The following TRIM59 variants were observed in gnomAD, a reference collection of about 807,000 sequenced individuals.
TRIM59 encodes the protein tripartite motif containing 59, also known as tripartite motif-containing protein 59.
A neutral mutation model predicts 32.2 loss-of-function variants in TRIM59; 14 were observed. That is an observed-to-expected ratio of 0.43 (90% CI 0.29 to 0.68). TRIM59 has a LOEUF of 0.68. TRIM59 is among the 30% of genes least tolerant of loss of function. TRIM59 has a pLI of 0.15. For missense variants in TRIM59, 471 were observed against 463.3 expected, an observed-to-expected ratio of 1.02 and a Z score of -0.15; for synonymous variants, 163 against 155.1, an observed-to-expected ratio of 1.05 and a Z score of -0.38.
chr3:160,440,611 T>G (rs1226283216), intron 2 of TRIM59, among the ~76,000 whole-genome samples: 1 of 152,152 alleles, frequency 6.6e-6, no homozygotes, highest in African/African-American at 2.4e-5. Flanking sequence ...TAGGCAAAAC[T>G]TAAAAACCCA....
At chr3:160,448,594 G>T in intron 2 of TRIM59, 132 bp downstream of exon 2, 4 of 425,148 alleles carry the variant, frequency 9.4e-6, no homozygotes, top group Non-Finnish European at 1.7e-5. Flanking sequence ...TCGATAAAAT[G>T]GTTGGAGTTT....
At chr3:160,446,768 G>C (rs567748391) in intron 2 of TRIM59, among the ~76,000 whole-genome samples, 1 of 152,194 alleles carries the variant, frequency 6.6e-6, no homozygotes, top group African/African-American at 2.4e-5. Context: ...CCTCCTGCCA[G>C]TGTCAGCATT....
At position 160,436,435 on chromosome 3, in the gene TRIM59, C is replaced by G. The variant is rs1718950988; in HGVS notation, c.*1537G>C. The G allele has an allele frequency of 1.0e-6, 1 of 985,914 alleles. No individual in the cohort carries two copies. Among genetic ancestry groups the G allele is most frequent in the Non-Finnish European group, 1.2e-6 (1 of 829,970 alleles). The allele number at this position is 985,914 out of a possible 1,614,324, so 61.1% of individuals were successfully genotyped here. On this transcript the variant is annotated 3_prime_UTR_variant, in exon 3 of 3. Transcript: ENST00000309784. ...AAAAGTCGTAACACATGCATCATAA[C>G]TCCAGTCCCTGTTAAAGGGAACTAA...
In TRIM59 at chr3:160,439,003, T is replaced by G; in HGVS notation, c.181A>C (p.Ser61Arg). The G allele has an allele frequency of 1.2e-6, 2 of 1,613,600 alleles. No homozygotes were observed. Among genetic ancestry groups the G allele is most frequent in the South Asian group, 2.2e-5 (2 of 91,010 alleles). The change falls in exon 3 of 3, where the codon AGT becomes CGT. Residue 61 changes from serine (S) to arginine (R), a missense_variant. By Grantham distance (110) the Ser-to-Arg change is moderately radical (BLOSUM62 -1). Coordinates refer to ENST00000309784, the MANE Select transcript of TRIM59 (RefSeq NM_173084.3). ...RIPLKCPNCR[S>R]ITEIAPTGIE... ...CCAGTTGGAGCAATTTCAGTAATAC[T>G]TCTGCAATTAGGGCACTTGAGTGGA...
chr3:160,445,667 G>A (rs1361021022), intron 2 of TRIM59, among the ~76,000 whole-genome samples: 6 of 151,348 alleles, frequency 4.0e-5, no homozygotes, highest in Non-Finnish European at 5.9e-5. Flanking sequence ...CCAGCTACTC[G>A]GGAGGCTGAG....
At chr3:160,445,687 T>G (rs1719490805) in intron 2 of TRIM59, among the ~76,000 whole-genome samples, 1 of 148,450 alleles carries the variant, frequency 6.7e-6, no homozygotes, top group East Asian at 2.0e-4. Flanking sequence ...GGCAGGAGAA[T>G]CGCTTAAACC....
At chr3:160,441,648 G>A (rs1186515507) in intron 2 of TRIM59, among the ~76,000 whole-genome samples, 1 of 151,560 alleles carries the variant, frequency 6.6e-6, no homozygotes, top group African/African-American at 2.4e-5. Flanking sequence ...CAGCCACTTG[G>A]GAGGCTAAGG....
In TRIM59 at chr3:160,443,992, A is replaced by G. The variant is rs1304537784; in HGVS notation, c.-4+4734T>C. Among the ~76,000 whole-genome samples the G allele has an allele frequency of 2.0e-5, 3 of 152,186 alleles. No individual in the cohort carries two copies. In the East Asian group the frequency reaches 5.8e-4, roughly 29 times the overall value. The stretch of plus-strand genomic sequence containing the variant: ...CTTCATGTATATGAAACATATTGAG[A>G]GGTAACTAAATTTAGGGAAAAAACG... On this transcript the variant is annotated intron_variant, in intron 2 of 2. Transcript: ENST00000309784.
At chr3:160,446,047 C>T (rs2108520370) in intron 2 of TRIM59, among the ~76,000 whole-genome samples, 1 of 152,178 alleles carries the variant, frequency 6.6e-6, no homozygotes, top group South Asian at 2.1e-4. Context: ...AGCCTCAAGA[C>T]ATCCTTCCCC....
rs1718976773 is a variant in TRIM59, at chr3:160,436,726, A to G, written c.*1246T>C. On this transcript the variant is annotated 3_prime_UTR_variant, in exon 3 of 3. Coordinates refer to ENST00000309784, the MANE Select transcript of TRIM59 (RefSeq NM_173084.3). ...GGCAGGAGAATGGTGTGAACCCGGG[A>G]GGCGGGGCTTGCAATGAGCCGAGAT... 3.3e-6 allele frequency: 2 copies of G among 608,608 alleles called. No homozygotes were observed. Among genetic ancestry groups the G allele is most frequent in the Non-Finnish European group, 4.0e-6 (2 of 504,816 alleles). The allele number at this position is 608,608 out of a possible 1,614,324, so 37.7% of individuals were successfully genotyped here.
At chr3:160,448,956 G>A (rs1210479058) in intron 1 of TRIM59, 161 bp from the exon 2 acceptor site, 5 of 340,326 alleles carry the variant, frequency 1.5e-5, no homozygotes, top group South Asian at 1.2e-4. Flanking sequence ...TGCAGTAGAG[G>A]TATCGCTTGT....
In TRIM59 at chr3:160,439,695, C is replaced by G. The variant is rs7643188; in HGVS notation, c.-3-509G>C. Among the ~76,000 whole-genome samples, 1,464 of 152,248 alleles carry G rather than the reference C, an allele frequency of 9.6e-3. 29 individuals are homozygous for G. The highest frequency in any genetic ancestry group is 0.032 in the African/African-American group (1,335 of 41,528). ...CTTGTCTGCCGCCATGTGAGACGTG[C>G]CTTTCACCTTCTGCCATGATTGTGA... On this transcript the variant is annotated intron_variant, in intron 2 of 2. Coordinates refer to ENST00000309784, the MANE Select transcript of TRIM59 (RefSeq NM_173084.3).
At chr3:160,447,032 G>T (rs1015867519) in intron 2 of TRIM59, among the ~76,000 whole-genome samples, 1 of 151,612 alleles carries the variant, frequency 6.6e-6, no homozygotes, top group Admixed American at 6.6e-5. Context: ...AAAAGTTAAC[G>T]GAGATAGTTG....
At position 160,438,987 on chromosome 3, in the gene TRIM59, G is replaced by T; in HGVS notation, c.197C>A (p.Ala66Asp). The change falls in exon 3 of 3, where the codon GCT becomes GAT. Residue 66 changes from alanine to aspartate, a missense_variant. Transcript: ENST00000309784. ...CPNCRSITEI[A>D]PTGIESLPVN... The stretch of plus-strand genomic sequence containing the variant: ...AGGTAAAGATTCAATGCCAGTTGGA[G>T]CAATTTCAGTAATACTTCTGCAATT... 1 of 1,613,996 alleles carries T rather than the reference G, an allele frequency of 6.2e-7. No homozygotes were observed. The highest frequency in any genetic ancestry group is 8.5e-7 in the Non-Finnish European group (1 of 1,179,956).
At chr3:160,440,189 A>C (rs1182688331) in intron 2 of TRIM59, among the ~76,000 whole-genome samples, 1 of 152,258 alleles carries the variant, frequency 6.6e-6, no homozygotes, top group Non-Finnish European at 1.5e-5. Flanking sequence ...TTGCAGATTT[A>C]GAAGACAGAA....
At chr3:160,442,090 A>G (rs1215803194) in intron 2 of TRIM59, among the ~76,000 whole-genome samples, 1 of 152,262 alleles carries the variant, frequency 6.6e-6, no homozygotes, top group African/African-American at 2.4e-5. Flanking sequence ...AACACTTTGT[A>G]GGAAATAAAA....
At position 160,435,908 on chromosome 3, in the gene TRIM59, TA is replaced by T. The variant is rs1560021801; in HGVS notation, c.*2063del. 7.8e-7 allele frequency: 1 copy of T among 1,275,070 alleles called. No homozygotes were observed. Among genetic ancestry groups the T allele is most frequent in the Admixed American group, 2.3e-5 (1 of 43,420 alleles). The allele number at this position is 1,275,070 out of a possible 1,614,324, so 79.0% of individuals were successfully genotyped here. A position where few individuals can be genotyped will look rare whatever the true frequency, so the allele number is the denominator to read the frequency against. On this transcript the variant is annotated 3_prime_UTR_variant, in exon 3 of 3. Coordinates refer to ENST00000309784, the MANE Select transcript of TRIM59 (RefSeq NM_173084.3). ...GTTCCCTCATCTACAAAAAGGGGGT[TA>T]AAAATATTCACATCACAGAAATGAG...
chr3:160,447,280 A>G (rs1469037702), intron 2 of TRIM59, among the ~76,000 whole-genome samples: 2 of 152,184 alleles, frequency 1.3e-5, no homozygotes, highest in Non-Finnish European at 2.9e-5. Context: ...TGTAAAATGT[A>G]TTTTCCTCTA....
chr3:160,440,354 G>A (rs939172601), intron 2 of TRIM59, among the ~76,000 whole-genome samples: 3 of 152,118 alleles, frequency 2.0e-5, no homozygotes, highest in East Asian at 1.9e-4. Flanking sequence ...AAAGTCTCTC[G>A]ATCCGTATTT....
Sources: gnomAD v4.1 joint callset for allele counts (sites outside exome capture counted in the v4.1 genomes callset) on GRCh38, gnomAD v4.1.1 for gene constraint, MANE v1.5 for transcripts, NCBI Gene and HGNC (gene_info 2026-07-23, HGNC 2026-07-21) for gene names.